PDE1A: variants seen among roughly 807,000 people sequenced by gnomAD.
The protein encoded by PDE1A is phosphodiesterase 1A, also known as dual specificity calcium/calmodulin-dependent 3',5'-cyclic nucleotide phosphodiesterase 1A.
Under a neutral mutation model 61.7 loss-of-function variants are expected in PDE1A, and 35 were observed. That is an observed-to-expected ratio of 0.57 (90% confidence interval 0.43 to 0.75). The LOEUF (loss-of-function observed/expected upper bound fraction) is 0.75, where lower values mean the gene tolerates loss of function less well. Ranked by LOEUF, PDE1A falls within the 30% of genes least tolerant of loss-of-function variation. PDE1A has a pLI of 0.00. For missense variants in PDE1A, 597 were observed against 630.6 expected (o/e 0.95, Z 0.57); for synonymous variants, 232 against 213.2 (o/e 1.09, Z -0.77).
At chr2:182,635,427 T>G in the PDE1A span, among the ~76,000 whole-genome samples, 1 of 152,098 alleles carries the variant, frequency 6.6e-6, no homozygotes. Flanking sequence ...GGACCTTTTT[T>G]GTTTAATATA....
At chr2:182,522,239 C>A (rs765470393) in intron 2 of PDE1A, 21 of 1,556,102 alleles carry the variant, frequency 1.3e-5, no homozygotes, top group Non-Finnish European at 1.9e-5. Context: ...ATAGTCAAAT[C>A]TTTTGGGGGG....
the PDE1A span, among the ~76,000 whole-genome samples, chr2:182,596,017 G>A: frequency 6.6e-6 from 1 of 152,112 alleles, no homozygotes; most frequent in East Asian, 1.9e-4. Context: ...GGTGATTCAA[G>A]GTGAGAAACA....
At chr2:182,232,133 T>G (rs1198366266) in intron 4 of PDE1A, among the ~76,000 whole-genome samples, 1 of 152,156 alleles carries the variant, frequency 6.6e-6, no homozygotes, top group Non-Finnish European at 1.5e-5. Flanking sequence ...TACTCGCATT[T>G]CATGCAGTTC....
intron 10 of PDE1A, among the ~76,000 whole-genome samples, chr2:182,198,221 T>C (rs1179092601): frequency 1.3e-5 from 2 of 151,992 alleles, no homozygotes; most frequent in Non-Finnish European, 2.9e-5. Flanking sequence ...AGAAACACAA[T>C]TGATTCTACA....
chr2:182,358,257 T>C (rs77766410), intron 1 of PDE1A, among the ~76,000 whole-genome samples: 6,792 of 152,216 alleles, frequency 0.045, 175 homozygotes, highest in Admixed American at 0.079. Context: ...CATATTTATC[T>C]CCCTCTACTC....
chr2:182,429,889 T>C (rs1574638955), upstream of PDE1A, among the ~76,000 whole-genome samples: 1 of 152,284 alleles, frequency 6.6e-6, no homozygotes, highest in South Asian at 2.1e-4. Context: ...CACTGGAAAA[T>C]GCATGGGTCT....
At chr2:182,302,128 A>G (rs1574295357) in intron 1 of PDE1A, among the ~76,000 whole-genome samples, 1 of 152,186 alleles carries the variant, frequency 6.6e-6, no homozygotes, top group South Asian at 2.1e-4. Context: ...GCTGGATTTT[A>G]GCAAACACCC....
At chr2:182,528,918 G>A in the PDE1A span, among the ~76,000 whole-genome samples, 6 of 152,330 alleles carry the variant, frequency 3.9e-5, no homozygotes, top group Admixed American at 2.6e-4. Context: ...AGATTTCAGA[G>A]GATGTATGGA....
the PDE1A span, among the ~76,000 whole-genome samples, chr2:182,698,692 C>A: frequency 6.6e-6 from 1 of 152,080 alleles, no homozygotes; most frequent in South Asian, 2.1e-4. Flanking sequence ...TAAAAACACT[C>A]TTTTTTCCTT....
intron 1 of PDE1A, among the ~76,000 whole-genome samples, chr2:182,353,592 C>T (rs1239360565): frequency 6.6e-6 from 1 of 151,988 alleles, no homozygotes; most frequent in Non-Finnish European, 1.5e-5. Context: ...TTCATGTCTA[C>T]AGCATGCACA....
chr2:182,335,300 T>C (rs972387725), intron 1 of PDE1A, among the ~76,000 whole-genome samples: 15 of 151,984 alleles, frequency 9.9e-5, no homozygotes, highest in African/African-American at 3.6e-4. Flanking sequence ...AAGGAGCCCA[T>C]ACAGCCAAGA....
chr2:182,252,632 C>T lies in PDE1A; in HGVS notation c.167+11669G>A, dbSNP rs544130243. On this transcript the variant is annotated intron_variant, in intron 2 of 13. Transcript: ENST00000351439. ...GAAGGAACACTGGATCCTGCCTGAC[C>T]TCTAATCCAAGACAAACTGTGAGAA... Among the ~76,000 whole-genome samples the T allele has an allele frequency of 2.0e-5, 3 of 152,310 alleles. No individual in the cohort carries two copies. In the East Asian group the frequency reaches 5.8e-4, roughly 29 times the overall value.
chr2:182,215,918 AG>A (rs1688134849), intron 7 of PDE1A, among the ~76,000 whole-genome samples: 1 of 120,798 alleles, frequency 8.3e-6, no homozygotes, highest in Non-Finnish European at 1.7e-5. Context: ...TCATTTTATG[AG>A]GCTAGCATCA....
chr2:182,460,160 AAATCCATC>A (rs1686184686), intron 2 of PDE1A, among the ~76,000 whole-genome samples: 1 of 152,134 alleles, frequency 6.6e-6, no homozygotes, highest in East Asian at 1.9e-4. Context: ...AATCTGCATA[AAATCCATC>A]AATCCAACTA....
intron 1 of PDE1A, among the ~76,000 whole-genome samples, chr2:182,400,697 G>C (rs987081657): frequency 6.6e-6 from 1 of 152,190 alleles, no homozygotes; most frequent in Admixed American, 6.5e-5. Flanking sequence ...TGTCTTTTGA[G>C]TTTAATACAG....
intron 2 of PDE1A, among the ~76,000 whole-genome samples, chr2:182,518,457 A>T (rs1192967447): frequency 2.0e-5 from 3 of 152,222 alleles, no homozygotes; most frequent in African/African-American, 7.2e-5. Flanking sequence ...ACAGAGAAAA[A>T]AAAGACAACG....
intron 2 of PDE1A, among the ~76,000 whole-genome samples, chr2:182,263,091 G>A (rs539662674): frequency 5.1e-4 from 78 of 152,062 alleles, no homozygotes; most frequent in African/African-American, 1.8e-3. Context: ...CCCAAGCTTA[G>A]GCCTGGGACA....
the PDE1A span, among the ~76,000 whole-genome samples, chr2:182,663,022 A>C: frequency 6.6e-6 from 1 of 152,224 alleles, no homozygotes; most frequent in Admixed American, 6.5e-5. Context: ...TGGACAAAAG[A>C]CATAAACAAA....
intron 1 of PDE1A, among the ~76,000 whole-genome samples, chr2:182,301,106 C>T (rs1695213809): frequency 6.6e-6 from 1 of 152,112 alleles, no homozygotes; most frequent in South Asian, 2.1e-4. Context: ...GATTTATCCT[C>T]ACAAGATGGT....
Sources: gnomAD v4.1 joint callset for allele counts (sites outside exome capture counted in the v4.1 genomes callset) on GRCh38, gnomAD v4.1.1 for gene constraint, MANE v1.5 for transcripts, NCBI Gene and HGNC (gene_info 2026-07-23, HGNC 2026-07-21) for gene names.